The following NRXN1 variants were observed in gnomAD, a reference collection of about 807,000 sequenced individuals.
NRXN1 encodes neurexin-1.
NRXN1 carries 39 observed loss-of-function variants against 150.9 expected under a neutral mutation model. That is an observed-to-expected ratio of 0.26 (90% CI 0.20 to 0.34). The LOEUF is 0.34. Ranked by LOEUF, NRXN1 falls within the 10% of genes least tolerant of loss-of-function variation. The pLI is 1.00. For missense variants in NRXN1, 1,815 were observed against 1,949.9 expected (o/e 0.93, Z 1.30); for synonymous variants, 924 against 757.0 (o/e 1.22, Z -3.62).
At position 49,984,347 on chromosome 2, in the gene NRXN1, C is replaced by A. The variant is rs985997798; in HGVS notation, c.4129-40556G>T. ...CCTTCATTCTAGTAAAATCACTACA[C>A]CCAACTGAATTTTGCTAATTTCAAA... is the stretch of plus-strand genomic sequence containing the variant. On this transcript the variant is annotated intron_variant, in intron 21 of 22. Transcript: ENST00000401669. Among the ~76,000 whole-genome samples the A allele has an allele frequency of 4.6e-5, 7 of 152,210 alleles. No individual in the cohort carries two copies. In the South Asian group the frequency reaches 1.5e-3, roughly 32 times the overall value.
At chr2:50,605,497 A>G (rs1559007403) in intron 8 of NRXN1, among the ~76,000 whole-genome samples, 1 of 152,218 alleles carries the variant, frequency 6.6e-6, no homozygotes, top group Non-Finnish European at 1.5e-5. Flanking sequence ...TTCTTCAAAG[A>G]AGAAATACAA....
At chr2:50,544,792 G>A (rs921999666) in intron 9 of NRXN1, among the ~76,000 whole-genome samples, 2 of 152,078 alleles carry the variant, frequency 1.3e-5, no homozygotes, top group African/African-American at 4.8e-5. Flanking sequence ...TTTCATGTAT[G>A]AAGGAATTAT....
intron 21 of NRXN1, among the ~76,000 whole-genome samples, chr2:49,982,741 G>A (rs1680183025): frequency 6.6e-6 from 1 of 151,942 alleles, no homozygotes; most frequent in Admixed American, 6.6e-5. Context: ...CCTATTCTGT[G>A]TTTTTTAGAT....
At chr2:50,973,066 C>T (rs867814980) in intron 2 of NRXN1, among the ~76,000 whole-genome samples, 1 of 152,112 alleles carries the variant, frequency 6.6e-6, no homozygotes, top group South Asian at 2.1e-4. Context: ...TGTCTGTTTT[C>T]CTTTATCAAT....
chr2:50,741,801 AC>A (rs1249899390), intron 5 of NRXN1, among the ~76,000 whole-genome samples: 1 of 152,144 alleles, frequency 6.6e-6, no homozygotes, highest in Non-Finnish European at 1.5e-5. Flanking sequence ...TTAGTATGGA[AC>A]CCTAACCCTA....
chr2:49,999,022 G>C (rs578250451), intron 21 of NRXN1, among the ~76,000 whole-genome samples: 1 of 138,082 alleles, frequency 7.2e-6, no homozygotes, highest in South Asian at 2.5e-4. Context: ...GTACTTTAGT[G>C]TACTACAATT....
chr2:50,033,969 G>GAAA (rs61264442), intron 21 of NRXN1, among the ~76,000 whole-genome samples: 2 of 109,956 alleles, frequency 1.8e-5, no homozygotes, highest in African/African-American at 3.2e-5. Context: ...TTAAAAAGTG[G>GAAA]AAAAAAAAAA....
At chr2:50,796,201 C>T (rs1303230879) in intron 5 of NRXN1, among the ~76,000 whole-genome samples, 16 of 152,118 alleles carry the variant, frequency 1.1e-4, no homozygotes, top group Admixed American at 1.0e-3. Context: ...TTCAAATACT[C>T]CTAAAATGGC....
intron 5 of NRXN1, among the ~76,000 whole-genome samples, chr2:50,778,083 A>T (rs1703882154): frequency 6.6e-6 from 1 of 151,914 alleles, no homozygotes; most frequent in South Asian, 2.1e-4. Flanking sequence ...TTTTCTTTAC[A>T]CTTGATCAGC....
intron 18 of NRXN1, among the ~76,000 whole-genome samples, chr2:50,199,704 T>A (rs565281268): frequency 1.2e-4 from 18 of 152,248 alleles, no homozygotes; most frequent in African/African-American, 4.3e-4. Flanking sequence ...TAAGGGAGCA[T>A]GCAATCACAT....
chr2:50,539,761 CT>C (rs1168298720), intron 9 of NRXN1, among the ~76,000 whole-genome samples: 1 of 152,088 alleles, frequency 6.6e-6, no homozygotes, highest in Non-Finnish European at 1.5e-5. Context: ...GAGAAAAGGT[CT>C]GATAGCATGC....
rs1667769865 is a variant in NRXN1, at chr2:49,919,080, T to A, written c.*2864A>T. On this transcript the variant is annotated 3_prime_UTR_variant, in exon 23 of 23. Transcript: ENST00000401669. ...ACCACTTCACACGTTATTGTAGTATTTGTTCTTTTAAAAAAGGCAACACAT... is the reference window on the plus strand; with the variant it reads ...ACCACTTCACACGTTATTGTAGTATATGTTCTTTTAAAAAAGGCAACACAT... 1 of 152,144 alleles carries A rather than the reference T, an allele frequency of 6.6e-6. No homozygotes were observed. Among genetic ancestry groups the A allele is most frequent in the South Asian group, 2.1e-4 (1 of 4,836 alleles). 9.4% of individuals were successfully genotyped at this position (152,144 alleles called of 1,614,324 possible). A position where few individuals can be genotyped will look rare whatever the true frequency, so the allele number is the denominator to read the frequency against.
At chr2:50,641,693 C>A (rs549780637) in intron 5 of NRXN1, among the ~76,000 whole-genome samples, 2 of 152,188 alleles carry the variant, frequency 1.3e-5, no homozygotes, top group African/African-American at 4.8e-5. Flanking sequence ...TTCTTGGCGA[C>A]TGGGAAGAAT....
At chr2:50,042,361 A>C (rs185643014) in intron 21 of NRXN1, among the ~76,000 whole-genome samples, 15 of 152,226 alleles carry the variant, frequency 9.9e-5, no homozygotes, top group African/African-American at 3.4e-4. Context: ...AGTTCTCATG[A>C]GATAAGGGGC....
intron 17 of NRXN1, among the ~76,000 whole-genome samples, chr2:50,445,951 T>G (rs1166551499): frequency 6.6e-6 from 1 of 152,160 alleles, no homozygotes; most frequent in African/African-American, 2.4e-5. Flanking sequence ...TCTCAATTTC[T>G]TTATCTTTTT....
At chr2:50,491,656 G>C (rs574062730) in intron 15 of NRXN1, among the ~76,000 whole-genome samples, 3 of 152,150 alleles carry the variant, frequency 2.0e-5, no homozygotes, top group African/African-American at 7.2e-5. Flanking sequence ...AAAGGACAAA[G>C]TACTGCCTGG....
intron 2 of NRXN1, among the ~76,000 whole-genome samples, chr2:50,949,613 G>A (rs77913147): frequency 3.3e-5 from 5 of 151,964 alleles, no homozygotes; most frequent in South Asian, 2.1e-4. Flanking sequence ...ATGGTACCAC[G>A]TTTCTGAGCA....
At chr2:50,193,840 G>GA (rs958627739) in intron 18 of NRXN1, among the ~76,000 whole-genome samples, 37 of 146,586 alleles carry the variant, frequency 2.5e-4, no homozygotes, top group Admixed American at 3.4e-4. Flanking sequence ...TTTTAATTTG[G>GA]AAAAAAAAAA....
chr2:50,789,483 T>C (rs1217576340), intron 5 of NRXN1, among the ~76,000 whole-genome samples: 1 of 152,164 alleles, frequency 6.6e-6, no homozygotes, highest in Non-Finnish European at 1.5e-5. Flanking sequence ...CATGCTATAG[T>C]AGGAAAGAAC....
Sources: allele counts gnomAD v4.1 joint callset (sites outside exome capture counted in the v4.1 genomes callset), GRCh38; gene constraint gnomAD v4.1.1; transcripts MANE v1.5; gene names NCBI Gene and HGNC (gene_info 2026-07-23, HGNC 2026-07-21).